Variants in EPB41 observed in about 807,000 individuals in gnomAD.
EPB41 encodes the protein protein 4.1.
In EPB41, 65 loss-of-function variants were observed where a neutral mutation model predicts 108.0. That is an observed-to-expected ratio of 0.60 (90% CI 0.49 to 0.74). The LOEUF is 0.74. Ranked by LOEUF, EPB41 falls within the 30% of genes least tolerant of loss-of-function variation. EPB41 has a pLI of 0.00. For missense variants in EPB41, 875 were observed against 1,037.0 expected, an observed-to-expected ratio of 0.84 and a Z score of 2.15; for synonymous variants, 336 against 358.9, an observed-to-expected ratio of 0.94 and a Z score of 0.72.
At chr1:28,995,077 A>G (rs2096135008) in intron 3 of EPB41, among the ~76,000 whole-genome samples, 1 of 151,868 alleles carries the variant, frequency 6.6e-6, no homozygotes, top group Non-Finnish European at 1.5e-5. Flanking sequence ...GAAATCAAGA[A>G]AGATGTAATT....
At chr1:29,108,711 C>T (rs1022930745) in intron 17 of EPB41, among the ~76,000 whole-genome samples, 1 of 151,654 alleles carries the variant, frequency 6.6e-6, no homozygotes. Context: ...GCAAGCACCA[C>T]CACGTCCGGC....
intron 1 of EPB41, chr1:28,982,431 C>A: frequency 1.3e-6 from 1 of 755,410 alleles, no homozygotes; most frequent in Non-Finnish European, 2.5e-6. Context: ...TGGTGATCTT[C>A]TTCTTGCCCA....
At position 28,924,586 on chromosome 1, in the gene EPB41, T is replaced by A. The variant is rs533667424; in HGVS notation, c.-8+9818T>A. Among the ~76,000 whole-genome samples the A allele has an allele frequency of 3.9e-5, 6 of 152,298 alleles. No individual in the cohort carries two copies. In the East Asian group the frequency reaches 1.2e-3, roughly 29 times the overall value. ...GTCACCTAGCTAAGTCATGCCTGGA[T>A]TCTTCATCCACAGAAACTGTGCAAT... On this transcript the variant is annotated intron_variant, in intron 1 of 20. Coordinates refer to ENST00000343067, the MANE Select transcript of EPB41 (RefSeq NM_001376013.1).
chr1:29,060,288 T>C, intron 14 of EPB41, 134 bp from the exon 15 acceptor site: 1 of 682,278 alleles, frequency 1.5e-6, no homozygotes, highest in Non-Finnish European at 2.6e-6. Context: ...TCTGACCATT[T>C]CATGTTGGCA....
intron 7 of EPB41, among the ~76,000 whole-genome samples, chr1:29,023,704 A>G (rs954205009): frequency 1.3e-5 from 2 of 151,932 alleles, no homozygotes; most frequent in South Asian, 4.1e-4. Flanking sequence ...AAGAAAAAAG[A>G]AAGAAAAGCT....
intron 16 of EPB41, among the ~76,000 whole-genome samples, chr1:29,074,986 G>A (rs1002572902): frequency 7.3e-5 from 11 of 151,520 alleles, no homozygotes; most frequent in South Asian, 2.1e-4. Context: ...GTGAAACTCC[G>A]TCTCTACTAA....
At chr1:29,112,336 G>C in intron 18 of EPB41, 32 bp from the exon 19 acceptor site, 6 of 1,539,726 alleles carry the variant, frequency 3.9e-6, no homozygotes, top group Non-Finnish European at 5.4e-6. Flanking sequence ...TTATATCGCT[G>C]ATCTCATATG....
At chr1:28,901,325 A>G (rs979796396) in intron 1 of EPB41, among the ~76,000 whole-genome samples, 5 of 123,200 alleles carry the variant, frequency 4.1e-5, no homozygotes, top group Non-Finnish European at 1.8e-5. Flanking sequence ...CCTGGGTTCA[A>G]GTGATTCTCC....
intron 1 of EPB41, among the ~76,000 whole-genome samples, chr1:28,905,637 G>C (rs1199671997): frequency 6.6e-6 from 1 of 152,032 alleles, no homozygotes; most frequent in Non-Finnish European, 1.5e-5. Context: ...CCAGCCTCCA[G>C]AACTGTGAGA....
chr1:28,931,392 G>T (rs943632396), intron 1 of EPB41, among the ~76,000 whole-genome samples: 1 of 145,104 alleles, frequency 6.9e-6, no homozygotes, highest in African/African-American at 2.6e-5. Flanking sequence ...AAAAAAAAAG[G>T]CTGAAAAATA....
At chr1:29,000,638 A>G (rs1236892544) in intron 4 of EPB41, among the ~76,000 whole-genome samples, 1 of 152,186 alleles carries the variant, frequency 6.6e-6, no homozygotes, top group African/African-American at 2.4e-5. Flanking sequence ...CTACTGGGGA[A>G]GTCAGTGGGC....
Position 28,887,773 on chromosome 1 carries a change from C to G in EPB41, c.-8+563C>G. ...CGCCGGCTGTGCCCGCCAGGGTGGC[C>G]CCCCCGGCCGTCGCGCCAGCCCCAC... On this transcript the variant is annotated intron_variant, in intron 1 of 16. Transcript: ENST00000347529. The surrounding 1 kb of genome is among the most constrained non-coding windows in gnomAD (Gnocchi z 4.9). 1.2e-6 allele frequency: 1 copy of G among 810,042 alleles called. No individual in the cohort carries two copies. Among genetic ancestry groups the G allele is most frequent in the Non-Finnish European group, 1.5e-6 (1 of 669,494 alleles). The allele number at this position is 810,042 out of a possible 1,614,324, so 50.2% of individuals were successfully genotyped here. A position where few individuals can be genotyped will look rare whatever the true frequency, so the allele number is the denominator to read the frequency against.
chr1:29,105,371 A>G (rs1238934286), intron 17 of EPB41, among the ~76,000 whole-genome samples: 2 of 151,710 alleles, frequency 1.3e-5, no homozygotes, highest in African/African-American at 4.8e-5. Context: ...CTGAGTAGCC[A>G]GGATTACAGG....
chr1:28,942,743 G>T (rs2094340608), intron 1 of EPB41, among the ~76,000 whole-genome samples: 1 of 152,128 alleles, frequency 6.6e-6, no homozygotes, highest in South Asian at 2.1e-4. Context: ...TTGTGTGGTG[G>T]TGGTGGCACT....
chr1:28,895,904 A>T (rs1483767926), intron 1 of EPB41, among the ~76,000 whole-genome samples: 1 of 152,140 alleles, frequency 6.6e-6, no homozygotes, highest in East Asian at 1.9e-4. Flanking sequence ...GGAGCTACTG[A>T]CGTGTTTGTC....
At position 28,993,415 on chromosome 1, in the gene EPB41, A is replaced by G. The variant is rs747929575; in HGVS notation, c.554A>G (p.Lys185Arg). 2 of 1,613,916 alleles carry G rather than the reference A, an allele frequency of 1.2e-6. No individual in the cohort carries two copies. Among genetic ancestry groups the G allele is most frequent in the African/African-American group, 2.7e-5 (2 of 74,910 alleles). Reference protein sequence around the residue: ...GLEECSKIEVKEESPQSKAET... With the variant: ...GLEECSKIEVREESPQSKAET... ...GAAGAGTGCTCCAAAATAGAAGTAA[A>G]AGAAGAAAGCCCTCAATCAAAAGCA... is the stretch of plus-strand genomic sequence containing the variant. Residue 185 changes from lysine (K) to arginine (R), a missense_variant, in exon 3 of 21, where the codon AAA (lysine) becomes AGA (arginine). Transcript: ENST00000343067.
In EPB41 at chr1:28,987,665, C is replaced by T; in HGVS notation, c.228C>T (p.Ser76=). The change falls in exon 2 of 21, where the codon AGC becomes AGT. Residue 76 remains serine, a synonymous_variant. Coordinates refer to ENST00000343067, the MANE Select transcript of EPB41 (RefSeq NM_001376013.1). ...LTKNKERTSE[S]RGLSRLFSSF... is the part of the protein sequence containing the mutation. ...AGAACAAGGAGCGGACATCAGAAAG[C>T]AGAGGACTTTCACGACTATTCTCCT... The T allele has an allele frequency of 1.2e-6, 2 of 1,614,210 alleles. No homozygotes were observed. Among genetic ancestry groups the T allele is most frequent in the African/African-American group, 1.3e-5 (1 of 75,052 alleles).
At chr1:29,032,083 T>C (rs1246308960) in intron 8 of EPB41, among the ~76,000 whole-genome samples, 4 of 148,776 alleles carry the variant, frequency 2.7e-5, no homozygotes, top group Non-Finnish European at 5.9e-5. Context: ...TGGGTGACAG[T>C]TGAGACTCTG....
At chr1:28,967,253 C>T (rs765058229) in intron 1 of EPB41, among the ~76,000 whole-genome samples, 2 of 152,220 alleles carry the variant, frequency 1.3e-5, no homozygotes, top group Admixed American at 6.5e-5. Context: ...TTCCTGACCT[C>T]GTGATCCACC....
Sources: allele counts gnomAD v4.1 joint callset (sites outside exome capture counted in the v4.1 genomes callset), GRCh38; gene constraint gnomAD v4.1.1; non-coding constraint Gnocchi (gnomAD v3.1); transcripts MANE v1.5; gene names NCBI Gene and HGNC (gene_info 2026-07-23, HGNC 2026-07-21).